The following CACNA1H variants were observed in gnomAD, a reference collection of about 807,000 sequenced individuals.
CACNA1H encodes the protein calcium voltage-gated channel subunit alpha1 H.
Under a neutral mutation model 192.5 loss-of-function variants are expected in CACNA1H, and 149 were observed. The ratio of observed to expected loss-of-function variants is 0.77; its 90% CI spans 0.68 to 0.89. CACNA1H has a LOEUF of 0.89. CACNA1H is among the 40% of genes least tolerant of loss of function. The pLI, the probability that CACNA1H is intolerant of heterozygous loss-of-function variation, is 0.00. For synonymous variants in CACNA1H, 2,202 were observed against 1,475.2 expected (o/e 1.49, Z -11.29); for missense variants, 4,257 against 3,423.5 (o/e 1.24, Z -6.08).
intron 10 of CACNA1H, among the ~76,000 whole-genome samples, 194 bp downstream of exon 10, chr16:1,204,652 C>G (rs991751259): frequency 6.6e-6 from 1 of 152,194 alleles, no homozygotes; most frequent in Non-Finnish European, 1.5e-5. Context: ...CCTTGGATTC[C>G]TGGCCTCCTC....
intron 16 of CACNA1H, 98 bp from the exon 17 acceptor site, chr16:1,208,934 T>G: frequency 1.6e-6 from 2 of 1,254,860 alleles, no homozygotes; most frequent in Non-Finnish European, 2.1e-6. Flanking sequence ...ATGCATTAAA[T>G]GATCCACGTG....
intron 2 of CACNA1H, among the ~76,000 whole-genome samples, chr16:1,177,637 T>G (rs1307155826): frequency 6.6e-6 from 1 of 151,402 alleles, no homozygotes; most frequent in Non-Finnish European, 1.5e-5. Context: ...TCTGAGGACG[T>G]GGTGGCCGGG....
At chr16:1,207,498 G>T in intron 14 of CACNA1H, 68 bp downstream of exon 14, 2 of 1,534,204 alleles carry the variant, frequency 1.3e-6, no homozygotes, top group Non-Finnish European at 1.8e-6. Context: ...TCAGGTCGAG[G>T]GGAGGGGTGT....
intron 2 of CACNA1H, among the ~76,000 whole-genome samples, chr16:1,172,471 G>A (rs1010029087): frequency 6.6e-5 from 10 of 151,238 alleles, no homozygotes; most frequent in African/African-American, 2.4e-4. Flanking sequence ...TCCGTCTGGG[G>A]TGGTCGTGGG....
chr16:1,195,544 A>G lies in CACNA1H; in HGVS notation c.524A>G (p.Asp175Gly). Residue 175 changes from aspartate (D) to glycine (G), a missense_variant, in exon 4 of 35, where the codon GAT (aspartate) becomes GGT (glycine). Coordinates refer to ENST00000348261, the MANE Select transcript of CACNA1H (RefSeq NM_021098.3). ...CYLGDTWNRL[D>G]FFIVVAGMME... ...CTGGGTGACACGTGGAACAGGCTGG[A>G]TTTCTTCATCGTCGTGGCGGGGTAG... is the stretch of plus-strand genomic sequence containing the variant. The G allele has an allele frequency of 6.2e-7, 1 of 1,605,604 alleles. No individual in the cohort carries two copies. The highest frequency in any genetic ancestry group is 8.5e-7 in the Non-Finnish European group (1 of 1,176,562).
chr16:1,218,442 G>T lies in CACNA1H; in HGVS notation c.5678G>T (p.Arg1893Leu). The change falls in exon 33 of 35, where the codon CGG (arginine) becomes CTG (leucine). Residue 1893 changes from arginine to leucine, a missense_variant. Physicochemically the swap from Arg to Leu is moderately radical, Grantham distance 102 (BLOSUM62 -2). Transcript: ENST00000348261. ...GCGCAGGGCCCCGGGAGTGCACGCC[G>T]GGTGGACGCGGACAGGCCTCCCTTG... ...EMAQGPGSAR[R>L]VDADRPPLPQ... 1 of 1,552,108 alleles carries T rather than the reference G, an allele frequency of 6.4e-7. No individual in the cohort carries two copies. Among genetic ancestry groups the T allele is most frequent in the Non-Finnish European group, 8.7e-7 (1 of 1,148,290 alleles).
chr16:1,219,898 G>A, intron 34 of CACNA1H, 83 bp from the exon 35 acceptor site: 1 of 1,117,104 alleles, frequency 9.0e-7, no homozygotes, highest in Non-Finnish European at 1.2e-6. Flanking sequence ...CCAGTACCTG[G>A]ATGGTGAGGG....
intron 2 of CACNA1H, among the ~76,000 whole-genome samples, chr16:1,162,822 G>A (rs1452093571): frequency 6.6e-6 from 1 of 152,188 alleles, no homozygotes; most frequent in Non-Finnish European, 1.5e-5. Flanking sequence ...GAAGGCCGAG[G>A]GAGTATGAGC....
intron 26 of CACNA1H, among the ~76,000 whole-genome samples, 152 bp downstream of exon 26, chr16:1,212,680 C>G (rs1274863560): frequency 6.6e-6 from 1 of 152,200 alleles, no homozygotes; most frequent in Non-Finnish European, 1.5e-5. Flanking sequence ...CTGCGCTCGC[C>G]CGCCAGTGTC....
At chr16:1,191,296 C>A in intron 2 of CACNA1H, among the ~76,000 whole-genome samples, 1 of 111,208 alleles carries the variant, frequency 9.0e-6, no homozygotes, top group Non-Finnish European at 1.8e-5. Context: ...CTCGGGGTCT[C>A]TCTTACTCAG....
Position 1,180,897 on chromosome 16 carries a change from G to A in CACNA1H, c.300-14075G>A, listed in dbSNP as rs549783305. ...GTGCTGAGGACAGACCTGCTGGGCC[G>A]CGTTGGCAGGGGCTCACCCCGTCTT... On this transcript the variant is annotated intron_variant, in intron 2 of 34. Transcript: ENST00000348261. This position sits in a 1 kb window ranked among gnomAD's most constrained non-coding sequence, Gnocchi z 4.4. Among the ~76,000 whole-genome samples, 5 of 152,206 alleles carry A rather than the reference G, an allele frequency of 3.3e-5. No individual in the cohort carries two copies. The highest frequency in any genetic ancestry group is 3.9e-4 in the East Asian group (2 of 5,172).
intron 32 of CACNA1H, 49 bp from the exon 33 acceptor site, chr16:1,218,161 C>G (rs1177654868): frequency 6.5e-7 from 1 of 1,533,792 alleles, no homozygotes; most frequent in Non-Finnish European, 8.8e-7. Context: ...GCCAGGGTGG[C>G]ACCCGCGGGT....
intron 16 of CACNA1H, among the ~76,000 whole-genome samples, chr16:1,208,564 C>G (rs1969036449): frequency 6.6e-6 from 1 of 152,186 alleles, no homozygotes; most frequent in African/African-American, 2.4e-5. Context: ...CAGAAGCAGC[C>G]CGATTCCCTT....
Position 1,220,696 on chromosome 16 carries a change from C to T in CACNA1H, c.6764C>T (p.Ser2255Phe), listed in dbSNP as rs746214213. The T allele has an allele frequency of 6.8e-6, 11 of 1,611,344 alleles. No homozygotes were observed. The highest frequency in any genetic ancestry group is 9.3e-6 in the Non-Finnish European group (11 of 1,179,316). The change falls in exon 35 of 35, where the codon TCC becomes TTC. Residue 2255 changes from serine to phenylalanine, a missense_variant. Transcript: ENST00000348261. Reference protein sequence around the residue: ...AAKGERWGQASCRAEHLTVPS... With the variant: ...AAKGERWGQAFCRAEHLTVPS... The stretch of plus-strand genomic sequence containing the variant: ...AAGGGGGAGCGCTGGGGCCAGGCCT[C>T]CTGCCGGGCTGAGCACCTGACCGTC...
At chr16:1,179,578 G>T (rs1040364242) in intron 2 of CACNA1H, among the ~76,000 whole-genome samples, 2 of 151,938 alleles carry the variant, frequency 1.3e-5, no homozygotes, top group African/African-American at 4.8e-5. Flanking sequence ...ACAGGCGCCC[G>T]CCACCATGCC....
chr16:1,211,100 C>A, intron 21 of CACNA1H, 68 bp from the exon 22 acceptor site: 1 of 1,585,768 alleles, frequency 6.3e-7, no homozygotes, highest in Non-Finnish European at 8.6e-7. Context: ...GGGACCTTTG[C>A]TGAGCTCTGC....
At chr16:1,206,909 T>TGCCTCC in intron 12 of CACNA1H, 92 bp from the exon 13 acceptor site, 1 of 116,612 alleles carries the variant, frequency 8.6e-6, no homozygotes, top group South Asian at 1.3e-4. Flanking sequence ...GTCCTGCCCC[T>TGCCTCC]CCCTCCTCCC....
In CACNA1H at chr16:1,210,927, T is replaced by C. The variant is rs756845622; in HGVS notation, c.4179T>C (p.Gly1393=). The change falls in exon 21 of 35, where the codon GGT becomes GGC. Residue 1393 remains glycine (G), a synonymous_variant. Coordinates refer to ENST00000348261, the MANE Select transcript of CACNA1H (RefSeq NM_021098.3). ...CGGCTGGTGGCGCCAAGATCCTGGG[T>C]GTTCTGCGCGTGCTGCGTCTGCTGC... ...MASAGGAKIL[G]VLRVLRLLRT... 1 of 1,602,078 alleles carries C rather than the reference T, an allele frequency of 6.2e-7. No homozygotes were observed. The highest frequency in any genetic ancestry group is 1.1e-5 in the South Asian group (1 of 91,024).
In CACNA1H at chr16:1,201,668, C is replaced by G; in HGVS notation, c.1218C>G (p.Gly406=). ...FIYFILLIIV[G]SFFMINLCLV... ...CCCGCCCGCCCCCGTCACAGGTGGG[C>G]TCCTTCTTCATGATCAACCTGTGCC... is the stretch of plus-strand genomic sequence containing the variant. Residue 406 remains glycine (G), a synonymous_variant, in exon 9 of 35, where the codon GGC becomes GGG. Coordinates refer to ENST00000348261, the MANE Select transcript of CACNA1H (RefSeq NM_021098.3). The G allele has an allele frequency of 1.3e-6, 2 of 1,595,222 alleles. No homozygotes were observed. The highest frequency in any genetic ancestry group is 1.7e-6 in the Non-Finnish European group (2 of 1,169,032).
Sources: allele counts gnomAD v4.1 joint callset (sites outside exome capture counted in the v4.1 genomes callset), GRCh38; gene constraint gnomAD v4.1.1; non-coding constraint Gnocchi (gnomAD v3.1); transcripts MANE v1.5; gene names NCBI Gene and HGNC (gene_info 2026-07-23, HGNC 2026-07-21).